ADCY5: variants seen among roughly 807,000 people sequenced by gnomAD.
ADCY5 encodes the protein adenylate cyclase type 5.
Under a neutral mutation model 119.7 loss-of-function variants are expected in ADCY5, and 30 were observed. The ratio of observed to expected loss-of-function variants is 0.25; its 90% confidence interval spans 0.19 to 0.34. The LOEUF is 0.34. ADCY5 is among the 10% of genes least tolerant of loss of function. ADCY5 has a pLI of 1.00. For missense variants in ADCY5, 1,324 were observed against 1,775.2 expected, an observed-to-expected ratio of 0.75 and a Z score of 4.57; for synonymous variants, 753 against 762.2, an observed-to-expected ratio of 0.99 and a Z score of 0.20.
At chr3:123,413,941 T>C (rs533426016) in intron 1 of ADCY5, among the ~76,000 whole-genome samples, 3 of 152,274 alleles carry the variant, frequency 2.0e-5, no homozygotes, top group East Asian at 3.9e-4. Context: ...TCCTGTGTGT[T>C]CAGCCTCACT....
At chr3:123,298,892 A>C (rs1391863747) in intron 15 of ADCY5, among the ~76,000 whole-genome samples, 8 of 144,838 alleles carry the variant, frequency 5.5e-5, no homozygotes, top group African/African-American at 1.8e-4. Context: ...GTAGAAAAGC[A>C]TATTACGAAT....
intron 9 of ADCY5, 136 bp from the exon 10 acceptor site, chr3:123,319,954 G>C: frequency 8.1e-7 from 1 of 1,241,726 alleles, no homozygotes; most frequent in Non-Finnish European, 1.1e-6. Context: ...AGGGCAGCGG[G>C]AGCTGAGACT....
intron 1 of ADCY5, among the ~76,000 whole-genome samples, chr3:123,385,246 G>A (rs1272628625): frequency 9.2e-5 from 14 of 151,712 alleles, no homozygotes; most frequent in African/African-American, 9.7e-5. Flanking sequence ...GGGGAAAGCC[G>A]GTACACATCC....
chr3:123,341,341 T>C (rs888694358), intron 3 of ADCY5, among the ~76,000 whole-genome samples: 4 of 152,132 alleles, frequency 2.6e-5, no homozygotes, highest in Admixed American at 2.6e-4. Context: ...TGGAAGAACC[T>C]TGAAGACATC....
At chr3:123,382,375 T>C (rs201165546) in intron 1 of ADCY5, among the ~76,000 whole-genome samples, 1 of 146,700 alleles carries the variant, frequency 6.8e-6, no homozygotes, top group Non-Finnish European at 1.5e-5. Flanking sequence ...TCTCAAAAAA[T>C]GAAAAATAAG....
At chr3:123,427,940 G>C (rs1053613661) in intron 1 of ADCY5, among the ~76,000 whole-genome samples, 10 of 152,212 alleles carry the variant, frequency 6.6e-5, no homozygotes, top group Non-Finnish European at 1.5e-4. Context: ...CCTAGGCAAA[G>C]AGAGAACTGA....
chr3:123,312,636 G>A (rs910568976), intron 12 of ADCY5, among the ~76,000 whole-genome samples: 5 of 152,156 alleles, frequency 3.3e-5, no homozygotes, highest in African/African-American at 1.2e-4. Context: ...TCATATAAAT[G>A]GAATCAGACC....
At chr3:123,442,278 G>A (rs1045903034) in intron 1 of ADCY5, among the ~76,000 whole-genome samples, 3 of 152,038 alleles carry the variant, frequency 2.0e-5, no homozygotes, top group Admixed American at 6.6e-5. Context: ...AGGCAGCCAC[G>A]GACAGCAAGG....
chr3:123,378,125 T>C (rs1471040577), intron 1 of ADCY5, among the ~76,000 whole-genome samples: 1 of 152,116 alleles, frequency 6.6e-6, no homozygotes, highest in Non-Finnish European at 1.5e-5. Flanking sequence ...ATTCTCACCA[T>C]GAGCCCAGAA....
chr3:123,285,462 A>G (rs1938677006), intron 20 of ADCY5, among the ~76,000 whole-genome samples: 1 of 152,200 alleles, frequency 6.6e-6, no homozygotes, highest in Non-Finnish European at 1.5e-5. Context: ...GGGGAGGGGC[A>G]GCATAGCCAG....
At chr3:123,336,244 C>A (rs1942020645) in intron 3 of ADCY5, among the ~76,000 whole-genome samples, 2 of 152,232 alleles carry the variant, frequency 1.3e-5, no homozygotes, top group African/African-American at 4.8e-5. Context: ...CAGGCACCTG[C>A]CCCCTCCACC....
intron 3 of ADCY5, among the ~76,000 whole-genome samples, chr3:123,343,942 G>A (rs1329226154): frequency 1.3e-5 from 2 of 152,214 alleles, no homozygotes; most frequent in Admixed American, 1.3e-4. Flanking sequence ...GGGGTCCCCT[G>A]GCCTCTGGCC....
chr3:123,313,605 C>A (rs1026717345), intron 12 of ADCY5, among the ~76,000 whole-genome samples: 1 of 152,156 alleles, frequency 6.6e-6, no homozygotes, highest in Non-Finnish European at 1.5e-5. Flanking sequence ...TACCACAGAC[C>A]AGAGTGACCC....
intron 3 of ADCY5, among the ~76,000 whole-genome samples, chr3:123,345,556 C>T (rs1942490319): frequency 6.6e-6 from 1 of 152,274 alleles, no homozygotes; most frequent in East Asian, 1.9e-4. Flanking sequence ...AGTGACTTGG[C>T]TCGTATATGT....
intron 1 of ADCY5, among the ~76,000 whole-genome samples, chr3:123,434,578 C>T (rs968969118): frequency 6.6e-6 from 1 of 152,196 alleles, no homozygotes; most frequent in Non-Finnish European, 1.5e-5. Flanking sequence ...AGTCCTTTGT[C>T]ACCCAAAAAA....
chr3:123,411,843 C>T (rs1016539669), intron 1 of ADCY5, among the ~76,000 whole-genome samples: 4 of 152,172 alleles, frequency 2.6e-5, no homozygotes, highest in African/African-American at 9.7e-5. Context: ...CCACCGTTGA[C>T]AGCACAACAG....
intron 18 of ADCY5, among the ~76,000 whole-genome samples, chr3:123,290,240 G>T (rs1451464886): frequency 1.3e-5 from 2 of 152,116 alleles, no homozygotes; most frequent in African/African-American, 4.8e-5. Flanking sequence ...TGGGTCTCTT[G>T]TCTCCCCTTC....
intron 3 of ADCY5, among the ~76,000 whole-genome samples, chr3:123,340,542 C>G (rs1446683414): frequency 2.0e-4 from 31 of 152,118 alleles, no homozygotes; most frequent in Admixed American, 2.0e-3. Flanking sequence ...GCTCTGTCTT[C>G]CCTCCCTTCT....
At chr3:123,326,910 T>C (rs1177049419) in intron 7 of ADCY5, among the ~76,000 whole-genome samples, 1 of 152,228 alleles carries the variant, frequency 6.6e-6, no homozygotes, top group East Asian at 1.9e-4. Context: ...ATTTTGTCTT[T>C]CGTTTCACTT....
Sources: allele counts gnomAD v4.1 joint callset (sites outside exome capture counted in the v4.1 genomes callset), GRCh38; gene constraint gnomAD v4.1.1; transcripts MANE v1.5; gene names NCBI Gene and HGNC (gene_info 2026-07-23, HGNC 2026-07-21).